PCDHGB3: variants seen among roughly 807,000 people sequenced by gnomAD.
The protein encoded by PCDHGB3 is protocadherin gamma subfamily B, 3, also known as protocadherin gamma-B3.
In PCDHGB3, 40 loss-of-function variants were observed where a neutral mutation model predicts 59.2. That is an observed-to-expected ratio of 0.68 (90% confidence interval 0.52 to 0.88). The LOEUF is 0.88. Among genes scored for constraint, PCDHGB3 ranks in the 40% least tolerant of loss-of-function variants. The pLI is 0.00. For synonymous variants in PCDHGB3, 581 were observed against 503.6 expected (o/e 1.15, Z -2.06); for missense variants, 1,309 against 1,187.9 (o/e 1.10, Z -1.50).
At chr5:141,457,412 C>A (rs2098919309) in intron 1 of PCDHGB3, among the ~76,000 whole-genome samples, 1 of 152,188 alleles carries the variant, frequency 6.6e-6, no homozygotes. Flanking sequence ...TCACATTACC[C>A]ATCCCTTTTT....
At chr5:141,376,255 G>A (rs1380740739) in intron 1 of PCDHGB3, 6 of 1,614,256 alleles carry the variant, frequency 3.7e-6, no homozygotes, top group Non-Finnish European at 3.4e-6. Context: ...AGTCACGCCT[G>A]CTGCAGGCTT....
At position 141,370,343 on chromosome 5, in the gene PCDHGB3, T is replaced by G. The variant is rs1460750317; in HGVS notation, c.-52T>G. 6.7e-7 allele frequency: 1 copy of G among 1,482,818 alleles called. No homozygotes were observed. The highest frequency in any genetic ancestry group is 1.4e-5 in the African/African-American group (1 of 70,962). The allele number at this position is 1,482,818 out of a possible 1,614,324, so 91.9% of individuals were successfully genotyped here. On this transcript the variant is annotated 5_prime_UTR_variant, in exon 1 of 4. Coordinates refer to ENST00000576222, the MANE Select transcript of PCDHGB3 (RefSeq NM_018924.5). Reference sequence around the variant, plus strand: ...CCTGCTCGGAGAACTCTTGGGATTATTTAAAGATCTCCTCTCCTCGGATTT... The same window carrying G: ...CCTGCTCGGAGAACTCTTGGGATTAGTTAAAGATCTCCTCTCCTCGGATTT...
At chr5:141,492,705 C>T (rs2099743225) in intron 1 of PCDHGB3, among the ~76,000 whole-genome samples, 1 of 152,258 alleles carries the variant, frequency 6.6e-6, no homozygotes, top group South Asian at 2.1e-4. Flanking sequence ...ACCCAGAAGC[C>T]TCGAGCAGGC....
chr5:141,504,937 G>A (rs1350441435), intron 2 of PCDHGB3, among the ~76,000 whole-genome samples: 2 of 152,054 alleles, frequency 1.3e-5, no homozygotes, highest in East Asian at 1.9e-4. Context: ...GGTGGGTGGG[G>A]GAATGCACTA....
chr5:141,417,782 C>T (rs2096161767), intron 1 of PCDHGB3: 1 of 1,473,310 alleles, frequency 6.8e-7, no homozygotes, highest in Non-Finnish European at 9.0e-7. Flanking sequence ...CTGTCCTGGG[C>T]CGAATGCTCT....
Position 141,477,741 on chromosome 5 carries a change from G to A in PCDHGB3, c.2416-17066G>A, listed in dbSNP as rs1438249932. On this transcript the variant is annotated intron_variant, in intron 1 of 3. Transcript: ENST00000576222. The surrounding 1 kb of genome is among the most constrained non-coding windows in gnomAD (Gnocchi z 4.9). ...GAATTAACAGCTCATATCAGCGATG[G>A]GGGCACCCCGGTCCTAGCCACCAAC... is the stretch of plus-strand genomic sequence containing the variant. 4 of 1,613,802 alleles carry A rather than the reference G, an allele frequency of 2.5e-6. No individual in the cohort carries two copies. The highest frequency in any genetic ancestry group is 1.7e-5 in the Admixed American group (1 of 60,026).
At chr5:141,384,956 A>G (rs1305792842) in intron 1 of PCDHGB3, 1 of 1,613,934 alleles carries the variant, frequency 6.2e-7, no homozygotes, top group African/African-American at 1.3e-5. Flanking sequence ...GGTCCTTACA[A>G]CTATGACCTC....
rs2099695548 is a variant in PCDHGB3, at chr5:141,490,059, C to T, written c.2416-4748C>T. On this transcript the variant is annotated intron_variant, in intron 1 of 3. Coordinates refer to ENST00000576222, the MANE Select transcript of PCDHGB3 (RefSeq NM_018924.5). The surrounding 1 kb of genome is among the most constrained non-coding windows in gnomAD (Gnocchi z 5.4). ...ATGCCACTGATCCAGACGAGGGCAC[C>T]AACGGCCAACTAGACTATTCTTTTG... 1.2e-6 allele frequency: 2 copies of T among 1,614,242 alleles called. No individual in the cohort carries two copies. The highest frequency in any genetic ancestry group is 1.7e-6 in the Non-Finnish European group (2 of 1,180,030).
chr5:141,395,022 G>A lies in PCDHGB3; in HGVS notation c.2415+22213G>A, dbSNP rs2093150969. ...CGGTGGCAGATTGGTAGGCGTGCCT[G>A]CCTCACATTTTGTGGGTGTTGAGGA... On this transcript the variant is annotated intron_variant, in intron 1 of 3. Transcript: ENST00000576222. 1 of 1,614,128 alleles carries A rather than the reference G, an allele frequency of 6.2e-7. No homozygotes were observed. The highest frequency in any genetic ancestry group is 1.3e-5 in the African/African-American group (1 of 75,036).
At chr5:141,504,483 AGGCACC>A (rs2099838618) in intron 2 of PCDHGB3, among the ~76,000 whole-genome samples, 1 of 151,954 alleles carries the variant, frequency 6.6e-6, no homozygotes, top group Non-Finnish European at 1.5e-5. Flanking sequence ...AGTACAGTGG[AGGCACC>A]TGCCCAGTCT....
intron 1 of PCDHGB3, chr5:141,389,158 G>A (rs774342496): frequency 5.0e-6 from 8 of 1,613,850 alleles, no homozygotes; most frequent in African/African-American, 2.7e-5. Context: ...GCAACAGATC[G>A]GGGCAAGCCT....
intron 2 of PCDHGB3, among the ~76,000 whole-genome samples, chr5:141,499,780 G>A (rs776654854): frequency 1.4e-5 from 2 of 145,766 alleles, no homozygotes; most frequent in Non-Finnish European, 3.0e-5. Flanking sequence ...TTCGCCTCCC[G>A]GGTTCAAGCA....
chr5:141,468,330 C>CAAAAAAAAAAA (rs533390277), intron 1 of PCDHGB3: 4 of 79,798 alleles, frequency 5.0e-5, no homozygotes, highest in Non-Finnish European at 1.1e-4. Flanking sequence ...AACTCCATCT[C>CAAAAAAAAAAA]AAAAAAAAAA....
At chr5:141,448,639 T>C (rs1248697237) in intron 1 of PCDHGB3, among the ~76,000 whole-genome samples, 1 of 152,148 alleles carries the variant, frequency 6.6e-6, no homozygotes, top group Non-Finnish European at 1.5e-5. Context: ...CATTATATCC[T>C]TTAAAAATAT....
chr5:141,419,358 C>A (rs569760413), intron 1 of PCDHGB3: 1 of 1,613,810 alleles, frequency 6.2e-7, no homozygotes, highest in South Asian at 1.1e-5. Flanking sequence ...GAGTCACGAA[C>A]GCTGTCGTCC....
rs1182148013 is a variant in PCDHGB3 at position 141,431,510 on chromosome 5, G to A, written c.2415+58701G>A. 2 of 1,613,904 alleles carry A rather than the reference G, an allele frequency of 1.2e-6. No individual in the cohort carries two copies. Among genetic ancestry groups the A allele is most frequent in the Admixed American group, 1.7e-5 (1 of 60,016 alleles). Reference sequence around the variant, plus strand: ...TGCTCAGCCCGAGTACCGCGCGAGCGTTCCGGAGAATCTGGCCTTGGGCAC... The same window carrying A: ...TGCTCAGCCCGAGTACCGCGCGAGCATTCCGGAGAATCTGGCCTTGGGCAC... On this transcript the variant is annotated intron_variant, in intron 1 of 3. Coordinates refer to ENST00000576222, the MANE Select transcript of PCDHGB3 (RefSeq NM_018924.5). The surrounding 1 kb of genome is among the most constrained non-coding windows in gnomAD (Gnocchi z 4.8).
chr5:141,395,542 TTGTGTGTG>T (rs55729045), intron 1 of PCDHGB3: 8,424 of 171,616 alleles, frequency 0.049, 167 homozygotes, highest in African/African-American at 0.088. Context: ...TTGCTATTGT[TTGTGTGTG>T]TGTGTGTGTG....
intron 1 of PCDHGB3, chr5:141,410,291 G>A: frequency 1.2e-6 from 2 of 1,613,948 alleles, no homozygotes; most frequent in Non-Finnish European, 1.7e-6. Flanking sequence ...GGTGGCCTTG[G>A]CCTTAATCTC....
Position 141,490,975 on chromosome 5 carries a change from C to T in PCDHGB3, c.2416-3832C>T. 1 of 1,614,056 alleles carries T rather than the reference C, an allele frequency of 6.2e-7. No individual in the cohort carries two copies. Among genetic ancestry groups the T allele is most frequent in the African/African-American group, 1.3e-5 (1 of 75,070 alleles). ...CTGGGAACACTCAGCCCCCCAGCGT[C>T]TCCCTCGCTCTGCTCCTCCTGGCTC... On this transcript the variant is annotated intron_variant, in intron 1 of 3. Coordinates refer to ENST00000576222, the MANE Select transcript of PCDHGB3 (RefSeq NM_018924.5). This position sits in a 1 kb window ranked among gnomAD's most constrained non-coding sequence, Gnocchi z 5.4.
Sources: allele counts gnomAD v4.1 joint callset (sites outside exome capture counted in the v4.1 genomes callset), GRCh38; gene constraint gnomAD v4.1.1; non-coding constraint Gnocchi (gnomAD v3.1); transcripts MANE v1.5; gene names NCBI Gene and HGNC (gene_info 2026-07-23, HGNC 2026-07-21).